Variants in PKN2 observed in about 807,000 individuals in gnomAD.
PKN2 encodes serine/threonine-protein kinase N2.
In PKN2, 38 loss-of-function variants were observed where a neutral mutation model predicts 119.1. The observed-to-expected ratio is 0.32, with a 90% CI of 0.25 to 0.42. The LOEUF is 0.42. Among genes scored for constraint, PKN2 ranks in the 10% least tolerant of loss-of-function variants. The pLI, the probability that PKN2 is intolerant of heterozygous loss-of-function variation, is 1.00. For synonymous variants in PKN2, 390 were observed against 384.9 expected, an observed-to-expected ratio of 1.01 and a Z score of -0.15; for missense variants, 850 against 1,165.1, an observed-to-expected ratio of 0.73 and a Z score of 3.94.
At position 88,758,039 on chromosome 1, in the gene PKN2, A is replaced by T. The variant is rs1405341786; in HGVS notation, c.350-2183A>T. ...CTGGGCGACAGAGTGAGACTATCTC[A>T]AAAAAAAAAAAAAAAAAAAAAAAAG... On this transcript the variant is annotated intron_variant, in intron 2 of 21. Transcript: ENST00000370521. 1.7e-3 allele frequency among the ~76,000 whole-genome samples: 40 copies of T among 23,684 alleles called. No individual in the cohort carries two copies. The South Asian group carries it at 0.095, about 56-fold the overall frequency. The allele number at this position is 23,684 out of a possible 152,430, so 15.5% of individuals were successfully genotyped here. A position where few individuals can be genotyped will look rare whatever the true frequency, so the allele number is the denominator to read the frequency against.
chr1:88,693,690 A>G (rs1666416033), intron 1 of PKN2, among the ~76,000 whole-genome samples: 1 of 152,206 alleles, frequency 6.6e-6, no homozygotes, highest in South Asian at 2.1e-4. Flanking sequence ...TAACCTGGGC[A>G]GCATAGTGAG....
chr1:88,695,934 T>G (rs142242703), intron 1 of PKN2, among the ~76,000 whole-genome samples: 102 of 152,302 alleles, frequency 6.7e-4, no homozygotes, highest in African/African-American at 2.4e-3. Context: ...TACCGTTTAT[T>G]TAGCTTACTC....
rs953989514 is a variant in PKN2, at chr1:88,793,489, T to G, written c.1281+7276T>G. On this transcript the variant is annotated intron_variant, in intron 8 of 21. Transcript: ENST00000370521. ...CATAGGTCAGCAGTATAGAATTGCC[T>G]ACTTTTTTTTCTTTTTTGTTTCTGT... is the stretch of plus-strand genomic sequence containing the variant. Among the ~76,000 whole-genome samples the G allele has an allele frequency of 2.0e-5, 3 of 152,338 alleles. 1 individual carries two copies. The highest frequency in any genetic ancestry group is 2.0e-4 in the Admixed American group (3 of 15,300).
At chr1:88,754,652 A>G (rs1199659975) in intron 2 of PKN2, among the ~76,000 whole-genome samples, 2 of 152,234 alleles carry the variant, frequency 1.3e-5, no homozygotes, top group Non-Finnish European at 2.9e-5. Context: ...TTTAATGCCT[A>G]ACCGTGAAGT....
At chr1:88,747,381 G>T (rs952266009) in intron 2 of PKN2, among the ~76,000 whole-genome samples, 2 of 152,080 alleles carry the variant, frequency 1.3e-5, no homozygotes, top group African/African-American at 4.8e-5. Context: ...TATATAATTT[G>T]TTTGATTAGA....
At chr1:88,696,576 T>A (rs870659) in intron 1 of PKN2, among the ~76,000 whole-genome samples, 76,240 of 151,946 alleles carry the variant, frequency 0.5, 19,950 homozygotes, top group Middle Eastern at 0.7. Context: ...AGTTGCTATA[T>A]GTCACAATTC....
chr1:88,793,908 G>A (rs1263348986), intron 8 of PKN2, among the ~76,000 whole-genome samples: 1 of 152,078 alleles, frequency 6.6e-6, no homozygotes, highest in African/African-American at 2.4e-5. Context: ...AGTCGTGGTT[G>A]GTTTAATCCA....
chr1:88,790,767 C>T (rs915432229), intron 8 of PKN2, among the ~76,000 whole-genome samples: 2 of 151,940 alleles, frequency 1.3e-5, no homozygotes, highest in African/African-American at 4.8e-5. Flanking sequence ...TTTCTCATGT[C>T]CATTTTTAGT....
chr1:88,762,970 G>A (rs1669507130), intron 3 of PKN2, among the ~76,000 whole-genome samples: 1 of 152,126 alleles, frequency 6.6e-6, no homozygotes, highest in South Asian at 2.1e-4. Context: ...ATATCTGAGG[G>A]TAGGTAGAAT....
chr1:88,807,232 G>A, intron 12 of PKN2, 81 bp from the exon 13 acceptor site: 1 of 971,928 alleles, frequency 1.0e-6, no homozygotes, highest in Non-Finnish European at 1.5e-6. Context: ...CTTTTGAAAT[G>A]TTTTTCCTTA....
chr1:88,789,058 C>A (rs906420031), intron 8 of PKN2, among the ~76,000 whole-genome samples: 5 of 152,038 alleles, frequency 3.3e-5, no homozygotes, highest in Admixed American at 2.6e-4. Flanking sequence ...AAGCTTAGAA[C>A]AATTTTAGCA....
At chr1:88,809,865 C>T (rs1475006312) in intron 15 of PKN2, among the ~76,000 whole-genome samples, 1 of 151,878 alleles carries the variant, frequency 6.6e-6, no homozygotes, top group Non-Finnish European at 1.5e-5. Context: ...TCCTCCTTGG[C>T]CTCCCGAAGT....
chr1:88,691,742 G>A (rs908435225), intron 1 of PKN2, among the ~76,000 whole-genome samples: 1 of 151,958 alleles, frequency 6.6e-6, no homozygotes, highest in Non-Finnish European at 1.5e-5. Flanking sequence ...CCTTATCCAC[G>A]GTTTCAGTTA....
At chr1:88,803,611 G>A (rs925087979) in intron 8 of PKN2, among the ~76,000 whole-genome samples, 1 of 152,056 alleles carries the variant, frequency 6.6e-6, no homozygotes, top group Admixed American at 6.6e-5. Context: ...TTAAACACTG[G>A]TTATTAAAAC....
intron 1 of PKN2, among the ~76,000 whole-genome samples, chr1:88,692,938 T>TAA (rs1413963560): frequency 1.3e-5 from 2 of 152,220 alleles, no homozygotes; most frequent in Admixed American, 1.3e-4. Context: ...AGGGTAAAGT[T>TAA]ATATTAATAG....
intron 2 of PKN2, among the ~76,000 whole-genome samples, chr1:88,755,952 C>CA (rs1269841819): frequency 6.7e-6 from 1 of 148,892 alleles, no homozygotes; most frequent in Non-Finnish European, 1.5e-5. Context: ...CTCGCTCTGT[C>CA]ACCAGGCTGG....
intron 19 of PKN2, 56 bp from the exon 20 acceptor site, chr1:88,832,688 A>T: frequency 1.1e-6 from 1 of 934,724 alleles, no homozygotes; most frequent in Non-Finnish European, 1.7e-6. Flanking sequence ...TGAATGGGTG[A>T]TAAGATTTTA....
At chr1:88,825,172 T>C (rs1325619451) in intron 18 of PKN2, among the ~76,000 whole-genome samples, 1 of 152,232 alleles carries the variant, frequency 6.6e-6, no homozygotes, top group East Asian at 1.9e-4. Context: ...TGTAGATATA[T>C]GCCCATCACA....
chr1:88,815,974 T>C (rs907498448), intron 16 of PKN2, among the ~76,000 whole-genome samples: 2 of 151,842 alleles, frequency 1.3e-5, no homozygotes, highest in African/African-American at 4.8e-5. Flanking sequence ...ACCCTGTCTA[T>C]ACTAAAAATA....
Sources: gnomAD v4.1 joint callset for allele counts (sites outside exome capture counted in the v4.1 genomes callset) on GRCh38, gnomAD v4.1.1 for gene constraint, MANE v1.5 for transcripts, NCBI Gene and HGNC (gene_info 2026-07-23, HGNC 2026-07-21) for gene names.